HS3ST4: variants seen among roughly 807,000 people sequenced by gnomAD.
HS3ST4 encodes heparan sulfate glucosamine 3-O-sulfotransferase 4.
In HS3ST4, 17 loss-of-function variants were observed where a neutral mutation model predicts 29.2. The observed-to-expected ratio is 0.58, with a 90% confidence interval of 0.40 to 0.87. The LOEUF (loss-of-function observed/expected upper bound fraction) is 0.87. Among genes scored for constraint, HS3ST4 ranks in the 40% least tolerant of loss-of-function variants. HS3ST4 has a pLI of 0.00. For synonymous variants in HS3ST4, 314 were observed against 285.7 expected (o/e 1.10, Z -1.00); for missense variants, 627 against 634.5 (o/e 0.99, Z 0.13).
intron 1 of HS3ST4, among the ~76,000 whole-genome samples, chr16:25,782,190 A>G (rs1349481404): frequency 6.6e-6 from 1 of 152,190 alleles, no homozygotes; most frequent in Non-Finnish European, 1.5e-5. Flanking sequence ...TCATTATCAC[A>G]AGAACAGCAT....
intron 1 of HS3ST4, among the ~76,000 whole-genome samples, chr16:25,800,589 A>G (rs1022040877): frequency 2.1e-4 from 32 of 152,160 alleles, no homozygotes; most frequent in Non-Finnish European, 2.9e-5. Context: ...ATTATAAACA[A>G]TTTAGTGTCT....
chr16:25,749,058 A>G (rs117881258), intron 1 of HS3ST4, among the ~76,000 whole-genome samples: 4,149 of 152,318 alleles, frequency 0.027, 85 homozygotes, highest in Non-Finnish European at 0.041. Flanking sequence ...GGTATTTCCC[A>G]AGTGTGTGTC....
intron 1 of HS3ST4, among the ~76,000 whole-genome samples, chr16:26,108,335 C>T (rs569159034): frequency 9.2e-5 from 14 of 152,272 alleles, no homozygotes; most frequent in Admixed American, 2.6e-4. Context: ...CCTAACTCTT[C>T]TTGCTAAGAT....
At chr16:25,696,583 C>G (rs921752615) in intron 1 of HS3ST4, among the ~76,000 whole-genome samples, 1 of 151,990 alleles carries the variant, frequency 6.6e-6, no homozygotes, top group East Asian at 1.9e-4. Context: ...ACTGCAACCT[C>G]CGCCTCCCGG....
chr16:26,063,526 A>AG (rs1348585990), intron 1 of HS3ST4, among the ~76,000 whole-genome samples: 4 of 151,788 alleles, frequency 2.6e-5, no homozygotes, highest in African/African-American at 9.7e-5. Context: ...AAAAAAAAAA[A>AG]AAAGAAAAAA....
intron 1 of HS3ST4, among the ~76,000 whole-genome samples, chr16:25,864,401 T>C (rs1967672406): frequency 6.6e-6 from 1 of 151,986 alleles, no homozygotes; most frequent in African/African-American, 2.4e-5. Flanking sequence ...GTGTTTTTTT[T>C]TGCCATTTAA....
chr16:25,994,542 T>A (rs1388896086), intron 1 of HS3ST4, among the ~76,000 whole-genome samples: 1 of 152,210 alleles, frequency 6.6e-6, no homozygotes, highest in African/African-American at 2.4e-5. Context: ...GTAAATGCAA[T>A]TAACTTGATC....
In HS3ST4 at chr16:25,692,973, G is replaced by A. The variant is rs1203071159; in HGVS notation, c.556G>A (p.Ala186Thr). ...CAACGGGAGCAGCGAGAGGGGCGGC[G>A]CCGTCAGCACCCCCGACTATGGGGA... ...AANGSSERGG[A>T]VSTPDYGEKK... Residue 186 changes from alanine to threonine, a missense_variant, in exon 1 of 2, where the codon GCC (alanine) becomes ACC (threonine). Physicochemically the swap from Ala to Thr is moderately conservative, Grantham distance 58. This residue lies in a region of HS3ST4 where 402 missense variants were observed against 340.8 expected (regional missense o/e 1.18). Coordinates refer to ENST00000331351, the MANE Select transcript of HS3ST4 (RefSeq NM_006040.3). 1.2e-6 allele frequency: 2 copies of A among 1,610,700 alleles called. No homozygotes were observed. Among genetic ancestry groups the A allele is most frequent in the African/African-American group, 1.3e-5 (1 of 74,884 alleles).
At chr16:25,756,344 G>C (rs116740235) in intron 1 of HS3ST4, among the ~76,000 whole-genome samples, 170 of 152,276 alleles carry the variant, frequency 1.1e-3, no homozygotes, top group African/African-American at 4.0e-3. Flanking sequence ...GAGGAGGGCT[G>C]CAGAAGATGA....
chr16:26,043,203 A>T lies in HS3ST4; in HGVS notation c.735-92409A>T, dbSNP rs557513927. ...CATAATGCACACACAGAGATTTGAAAAGCAGCTGTGACAAGTGCATGGTAT... is the reference window on the plus strand; with the variant it reads ...CATAATGCACACACAGAGATTTGAATAGCAGCTGTGACAAGTGCATGGTAT... On this transcript the variant is annotated intron_variant, in intron 1 of 1. Transcript: ENST00000331351. Among the ~76,000 whole-genome samples, 4 of 152,334 alleles carry T rather than the reference A, an allele frequency of 2.6e-5. No homozygotes were observed. In the East Asian group the frequency reaches 7.7e-4, roughly 29 times the overall value.
chr16:25,759,618 G>A (rs1966777004), intron 1 of HS3ST4, among the ~76,000 whole-genome samples: 1 of 152,124 alleles, frequency 6.6e-6, no homozygotes, highest in Non-Finnish European at 1.5e-5. Context: ...AGGAGGGAGA[G>A]GCTTCCTTAG....
At chr16:25,984,883 G>A (rs756936095) in intron 1 of HS3ST4, among the ~76,000 whole-genome samples, 3 of 152,114 alleles carry the variant, frequency 2.0e-5, no homozygotes, top group African/African-American at 4.8e-5. Flanking sequence ...AAGAACTGTC[G>A]CAGCAGCTCA....
chr16:25,874,471 G>A (rs896695474), intron 1 of HS3ST4, among the ~76,000 whole-genome samples: 1 of 152,128 alleles, frequency 6.6e-6, no homozygotes, highest in Non-Finnish European at 1.5e-5. Context: ...AAAAAACAGA[G>A]AAAGACTCAT....
intron 1 of HS3ST4, among the ~76,000 whole-genome samples, chr16:25,728,819 A>G (rs1966553429): frequency 6.6e-6 from 1 of 152,216 alleles, no homozygotes; most frequent in Non-Finnish European, 1.5e-5. Context: ...ACAGTGGTTC[A>G]TGGCTATAAT....
chr16:26,054,147 G>GA, intron 1 of HS3ST4, among the ~76,000 whole-genome samples: 4 of 152,072 alleles, frequency 2.6e-5, no homozygotes, highest in Admixed American at 2.6e-4. Context: ...CTGGGCAAGA[G>GA]GAACAAATAT....
chr16:26,018,117 A>C (rs1484593093), intron 1 of HS3ST4, among the ~76,000 whole-genome samples: 1 of 152,154 alleles, frequency 6.6e-6, no homozygotes, highest in Non-Finnish European at 1.5e-5. Flanking sequence ...GTTCAACCTC[A>C]CTAGTTTGGA....
intron 1 of HS3ST4, among the ~76,000 whole-genome samples, chr16:26,064,400 A>G (rs1898517248): frequency 6.6e-6 from 1 of 152,158 alleles, no homozygotes; most frequent in Non-Finnish European, 1.5e-5. Flanking sequence ...ACCATGAGCA[A>G]AGGCTCAGAG....
At chr16:25,756,127 TACACACACACACACACACACACACACGC>T (rs1344968664) in intron 1 of HS3ST4, among the ~76,000 whole-genome samples, 5 of 140,756 alleles carry the variant, frequency 3.6e-5, no homozygotes, top group Non-Finnish European at 6.4e-5. Flanking sequence ...CACACACACA[TACACACACACACACACACACACACACGC>T]ACACACACAC....
At chr16:25,817,788 A>G (rs955978245) in intron 1 of HS3ST4, among the ~76,000 whole-genome samples, 12 of 152,246 alleles carry the variant, frequency 7.9e-5, no homozygotes, top group African/African-American at 2.9e-4. Context: ...TGCTTACATT[A>G]GTAATTCACT....
Sources: allele counts gnomAD v4.1 joint callset (sites outside exome capture counted in the v4.1 genomes callset), GRCh38; gene constraint gnomAD v4.1.1; regional missense constraint gnomAD v4.1.1; transcripts MANE v1.5; gene names NCBI Gene and HGNC (gene_info 2026-07-23, HGNC 2026-07-21).